CRACR2A: variants seen among roughly 807,000 people sequenced by gnomAD.
CRACR2A encodes the protein EF-hand calcium-binding domain-containing protein 4B.
CRACR2A carries 79 observed loss-of-function variants against 90.5 expected under a neutral mutation model. The observed-to-expected ratio is 0.87, with a 90% CI of 0.73 to 1.05. The LOEUF (loss-of-function observed/expected upper bound fraction) is 1.05. CRACR2A is among the 50% of genes least tolerant of loss of function. The pLI, the probability that CRACR2A is intolerant of heterozygous loss-of-function variation, is 0.00. For missense variants in CRACR2A, 823 were observed against 897.2 expected (o/e 0.92, Z 1.06); for synonymous variants, 338 against 356.7 (o/e 0.95, Z 0.59).
intron 3 of CRACR2A, among the ~76,000 whole-genome samples, chr12:3,697,576 T>G (rs1187901592): frequency 6.6e-6 from 1 of 152,194 alleles, no homozygotes; most frequent in Non-Finnish European, 1.5e-5. Context: ...CTGTACAACT[T>G]GTATGATCTC....
chr12:3,637,317 C>T (rs544096457), intron 14 of CRACR2A, among the ~76,000 whole-genome samples: 32 of 152,276 alleles, frequency 2.1e-4, no homozygotes, highest in Admixed American at 1.4e-3. Flanking sequence ...AAATTGTATG[C>T]GAGGAGCTTG....
intron 3 of CRACR2A, among the ~76,000 whole-genome samples, chr12:3,701,873 A>G (rs1050606574): frequency 6.6e-6 from 1 of 152,146 alleles, no homozygotes; most frequent in Non-Finnish European, 1.5e-5. Flanking sequence ...TACAGAAAAA[A>G]AATAGGCCAA....
At position 3,713,249 on chromosome 12, in the gene CRACR2A, G is replaced by A. The variant is rs1946032803; in HGVS notation, c.-49C>T. ...TTCGCTCACTCACCTTGCAGCTCCC[G>A]GCTCCTCGGAGGACCTGCAACTCTT... On this transcript the variant is annotated 5_prime_UTR_variant, in exon 3 of 20. Coordinates refer to ENST00000440314, the MANE Select transcript of CRACR2A (RefSeq NM_001144958.2). 8 of 985,146 alleles carry A rather than the reference G, an allele frequency of 8.1e-6. No individual in the cohort carries two copies. Among genetic ancestry groups the A allele is most frequent in the South Asian group, 4.7e-5 (1 of 21,278 alleles). 61.0% of individuals were successfully genotyped at this position (985,146 alleles called of 1,614,324 possible). A position where few individuals can be genotyped will look rare whatever the true frequency, so the allele number is the denominator to read the frequency against.
intron 1 of CRACR2A, among the ~76,000 whole-genome samples, chr12:3,737,579 C>G (rs1946465551): frequency 6.6e-6 from 1 of 152,086 alleles, no homozygotes. Flanking sequence ...ACAGCCCAGG[C>G]AAGAGATGGC....
In CRACR2A at chr12:3,680,220, G is replaced by A. The variant is rs761592921; in HGVS notation, c.340+18C>T. The A allele has an allele frequency of 2.5e-6, 4 of 1,600,436 alleles. No individual in the cohort carries two copies. Among genetic ancestry groups the A allele is most frequent in the Non-Finnish European group, 3.4e-6 (4 of 1,167,844 alleles). On this transcript the variant is annotated intron_variant, in intron 5 of 19. Coordinates refer to ENST00000440314, the MANE Select transcript of CRACR2A (RefSeq NM_001144958.2). ...TAGACCCATAACCCTGAGGTCCCCAGCACCCATCAGAACTTACTAAATCCA... is the reference window on the plus strand; with the variant it reads ...TAGACCCATAACCCTGAGGTCCCCAACACCCATCAGAACTTACTAAATCCA...
At chr12:3,726,259 TG>T (rs1274947431) in intron 2 of CRACR2A, 1 of 152,140 alleles carries the variant, frequency 6.6e-6, no homozygotes, top group Non-Finnish European at 1.5e-5. Flanking sequence ...CATGTCATCT[TG>T]TGCAGGAGCC....
intron 7 of CRACR2A, among the ~76,000 whole-genome samples, chr12:3,659,906 C>T (rs1944996903): frequency 6.6e-6 from 1 of 152,220 alleles, no homozygotes; most frequent in African/African-American, 2.4e-5. Context: ...CCTTCTGTCC[C>T]CCAGCCATCA....
intron 10 of CRACR2A, among the ~76,000 whole-genome samples, chr12:3,651,923 A>G (rs749152937): frequency 6.6e-6 from 1 of 152,208 alleles, no homozygotes; most frequent in Non-Finnish European, 1.5e-5. Context: ...TCTATGGAGA[A>G]CAAGCTAATC....
At position 3,627,789 on chromosome 12, in the gene CRACR2A, C is replaced by G. The variant is rs1944294559; in HGVS notation, c.1736-83G>C. 16 of 1,363,496 alleles carry G rather than the reference C, an allele frequency of 1.2e-5. No homozygotes were observed. The South Asian group carries it at 1.9e-4, about 16-fold the overall frequency. 84.5% of individuals were successfully genotyped at this position (1,363,496 alleles called of 1,614,324 possible). On this transcript the variant is annotated intron_variant, in intron 15 of 19. Coordinates refer to ENST00000440314, the MANE Select transcript of CRACR2A (RefSeq NM_001144958.2). The stretch of plus-strand genomic sequence containing the variant: ...AATCAGGAAACAATGCTTCCAACAT[C>G]TGAAATCACATCAGGCCCAAGGTGA...
intron 6 of CRACR2A, among the ~76,000 whole-genome samples, chr12:3,674,296 A>T (rs1831347028): frequency 6.6e-6 from 1 of 152,214 alleles, no homozygotes; most frequent in Non-Finnish European, 1.5e-5. Flanking sequence ...GCGCACACAC[A>T]GAAAGACAAG....
intron 2 of CRACR2A, among the ~76,000 whole-genome samples, chr12:3,719,483 G>T (rs753210640): frequency 6.6e-6 from 1 of 152,106 alleles, no homozygotes; most frequent in Admixed American, 6.5e-5. Flanking sequence ...CTCCTTTCAT[G>T]CTCCAAAAGA....
chr12:3,641,756 A>T lies in CRACR2A; in HGVS notation c.1247T>A (p.Val416Glu). 6.4e-7 allele frequency: 1 copy of T among 1,551,726 alleles called. No homozygotes were observed. Among genetic ancestry groups the T allele is most frequent in the Non-Finnish European group, 8.7e-7 (1 of 1,146,976 alleles). The part of the protein sequence containing the change: ...KRSGSVIGKY[V>E]DSRGILRSQS... ...CCTCCTAAGAATCCCTCTGCTGTCC[A>T]CATATTTGCCTATCACAGAGCCAGA... The change falls in exon 13 of 20, where the codon GTG becomes GAG. Residue 416 changes from valine to glutamate, a missense_variant. Physicochemically the swap from Val to Glu is moderately radical, Grantham distance 121. Coordinates refer to ENST00000440314, the MANE Select transcript of CRACR2A (RefSeq NM_001144958.2).
chr12:3,693,181 G>A (rs1157683074), intron 4 of CRACR2A, among the ~76,000 whole-genome samples: 4 of 152,222 alleles, frequency 2.6e-5, no homozygotes, highest in Non-Finnish European at 5.9e-5. Flanking sequence ...CCTGGGGGAA[G>A]CTGCAACGTG....
intron 7 of CRACR2A, among the ~76,000 whole-genome samples, chr12:3,664,950 T>C (rs1222416226): frequency 6.6e-6 from 1 of 152,228 alleles, no homozygotes; most frequent in Non-Finnish European, 1.5e-5. Flanking sequence ...GAGGTTGCAG[T>C]GCGCCAAGAT....
intron 8 of CRACR2A, among the ~76,000 whole-genome samples, chr12:3,657,140 C>T (rs1300129502): frequency 6.6e-6 from 1 of 152,208 alleles, no homozygotes; most frequent in Admixed American, 6.5e-5. Flanking sequence ...CTGAGCCGAG[C>T]GGGACACAAC....
rs1222119993 is a variant in CRACR2A at position 3,678,988 on chromosome 12, CGCCCAGA to C, written c.444_450del (p.Asp148GlufsTer14). 6.2e-6 allele frequency: 10 copies of C among 1,613,934 alleles called. No individual in the cohort carries two copies. Among genetic ancestry groups the C allele is most frequent in the Non-Finnish European group, 8.5e-6 (10 of 1,179,992 alleles). ...TGGGCTTCCTCATCTTCGCCCATGT[CGCCCAGA>C]TCCTCATCCCCTCTGGACAGATACA... is the stretch of plus-strand genomic sequence containing the variant. On this transcript the variant is annotated frameshift_variant, in exon 6 of 20. Transcript: ENST00000440314. LOFTEE classifies it high-confidence loss of function.
chr12:3,743,236 T>C (rs904437610), intron 1 of CRACR2A, among the ~76,000 whole-genome samples: 1 of 152,262 alleles, frequency 6.6e-6, no homozygotes, highest in Non-Finnish European at 1.5e-5. Flanking sequence ...TCTTTTTTCA[T>C]TGACACTCAT....
At chr12:3,640,441 A>T (rs1219767175) in intron 13 of CRACR2A, 2 of 1,067,274 alleles carry the variant, frequency 1.9e-6, no homozygotes, top group Admixed American at 7.5e-5. Flanking sequence ...CTCATGTCTA[A>T]TTTATTTTTG....
chr12:3,639,318 G>A (rs1944516122), intron 13 of CRACR2A, among the ~76,000 whole-genome samples: 1 of 152,136 alleles, frequency 6.6e-6, no homozygotes, highest in Admixed American at 6.5e-5. Flanking sequence ...AGGAGAAGCT[G>A]TAGGCAGTGC....
Sources: allele counts gnomAD v4.1 joint callset (sites outside exome capture counted in the v4.1 genomes callset), GRCh38; gene constraint gnomAD v4.1.1; transcripts MANE v1.5; gene names NCBI Gene and HGNC (gene_info 2026-07-23, HGNC 2026-07-21).